The following CDIP1 variants were observed in gnomAD, a reference collection of about 807,000 sequenced individuals.
CDIP1 encodes cell death-inducing p53-target protein 1.
A neutral mutation model predicts 17.7 loss-of-function variants in CDIP1; 9 were observed. The observed-to-expected ratio is 0.51, with a 90% CI of 0.31 to 0.89. The LOEUF (loss-of-function observed/expected upper bound fraction) is 0.89. Among genes scored for constraint, CDIP1 ranks in the 40% least tolerant of loss-of-function variants. CDIP1 has a pLI of 0.05. For synonymous variants in CDIP1, 117 were observed against 109.5 expected (o/e 1.07, Z -0.43); for missense variants, 263 against 277.9 (o/e 0.95, Z 0.38).
Position 4,513,459 on chromosome 16 carries a change from G to T in CDIP1, c.241+237C>A, listed in dbSNP as rs965500110. Among the ~76,000 whole-genome samples, 1 of 152,056 alleles carries T rather than the reference G, an allele frequency of 6.6e-6. No homozygotes were observed. The highest frequency in any genetic ancestry group is 6.5e-5 in the Admixed American group (1 of 15,274). ...ACACAAGGCGCCCCTCCCCACCCAT[G>T]TCAGGTCCTGGTGTGCCAAGGACCA... On this transcript the variant is annotated intron_variant, in intron 4 of 5. Coordinates refer to ENST00000567695, the MANE Select transcript of CDIP1 (RefSeq NM_013399.3). This position sits in a 1 kb window ranked among gnomAD's most constrained non-coding sequence, Gnocchi z 4.1.
chr16:4,527,602 A>G (rs974720350), intron 1 of CDIP1, among the ~76,000 whole-genome samples: 1 of 152,196 alleles, frequency 6.6e-6, no homozygotes, highest in Non-Finnish European at 1.5e-5. Context: ...GGATCAGTAC[A>G]ACTTTCCTGG....
chr16:4,512,382 T>G lies in CDIP1; in HGVS notation c.*190A>C. 1.6e-6 allele frequency: 1 copy of G among 610,632 alleles called. No individual in the cohort carries two copies. The highest frequency in any genetic ancestry group is 3.0e-6 in the Non-Finnish European group (1 of 337,648). The allele number at this position is 610,632 out of a possible 1,614,324, so 37.8% of individuals were successfully genotyped here. A position where few individuals can be genotyped will look rare whatever the true frequency, so the allele number is the denominator to read the frequency against. On this transcript the variant is annotated 3_prime_UTR_variant, in exon 6 of 6. Coordinates refer to ENST00000567695, the MANE Select transcript of CDIP1 (RefSeq NM_013399.3). The surrounding 1 kb of genome is among the most constrained non-coding windows in gnomAD (Gnocchi z 4.6). ...CCTGCCACCCACTGACCCTTGGCCT[T>G]AAATCCCAACAGAATTTTTGCCAGA... is the stretch of plus-strand genomic sequence containing the variant.
At chr16:4,535,973 C>A (rs899601018) in intron 1 of CDIP1, among the ~76,000 whole-genome samples, 1 of 152,188 alleles carries the variant, frequency 6.6e-6, no homozygotes, top group Non-Finnish European at 1.5e-5. Flanking sequence ...TTCCAAGTCC[C>A]CTCGTGGGGG....
chr16:4,520,745 T>C (rs1441784940), intron 1 of CDIP1, among the ~76,000 whole-genome samples: 3 of 152,204 alleles, frequency 2.0e-5, no homozygotes, highest in Non-Finnish European at 2.9e-5. Flanking sequence ...CTAACAAATA[T>C]AGAAACAGCA....
chr16:4,516,212 T>C (rs2058886026), intron 1 of CDIP1, among the ~76,000 whole-genome samples: 2 of 152,088 alleles, frequency 1.3e-5, no homozygotes, highest in African/African-American at 2.4e-5. Flanking sequence ...ATGTCCCCAA[T>C]AGGCAAACCC....
intron 1 of CDIP1, among the ~76,000 whole-genome samples, chr16:4,519,676 C>T (rs2058924500): frequency 6.6e-6 from 1 of 152,154 alleles, no homozygotes; most frequent in African/African-American, 2.4e-5. Context: ...GAGGTGGATT[C>T]CTCATGAATA....
Position 4,513,599 on chromosome 16 carries a change from C to T in CDIP1, c.241+97G>A. On this transcript the variant is annotated intron_variant, in intron 4 of 5. Coordinates refer to ENST00000567695, the MANE Select transcript of CDIP1 (RefSeq NM_013399.3). This position sits in a 1 kb window ranked among gnomAD's most constrained non-coding sequence, Gnocchi z 4.1. ...TGGTTGGGCGTGTTGGAGTCCCTGC[C>T]CTACAGCAGATGCCCACCTGTACTG... is the stretch of plus-strand genomic sequence containing the variant. 1.8e-6 allele frequency: 2 copies of T among 1,089,638 alleles called. No homozygotes were observed. Among genetic ancestry groups the T allele is most frequent in the South Asian group, 1.4e-5 (1 of 69,822 alleles). 67.5% of individuals were successfully genotyped at this position (1,089,638 alleles called of 1,614,324 possible). A position where few individuals can be genotyped will look rare whatever the true frequency, so the allele number is the denominator to read the frequency against.
rs745496597 is a variant in CDIP1, at chr16:4,512,776, G to A, written c.515+15C>T. Reference sequence around the variant, plus strand: ...CTGGTGCAGCCCCCACCCTACCAGTGCCCACACCACCTACCCCATGAAGCA... The same window carrying A: ...CTGGTGCAGCCCCCACCCTACCAGTACCCACACCACCTACCCCATGAAGCA... On this transcript the variant is annotated intron_variant, in intron 5 of 5. Coordinates refer to ENST00000567695, the MANE Select transcript of CDIP1 (RefSeq NM_013399.3). This position sits in a 1 kb window ranked among gnomAD's most constrained non-coding sequence, Gnocchi z 4.6. 54 of 1,591,594 alleles carry A rather than the reference G, an allele frequency of 3.4e-5. No homozygotes were observed. Among genetic ancestry groups the A allele is most frequent in the Admixed American group, 5.4e-5 (3 of 55,498 alleles).
At position 4,512,402 on chromosome 16, in the gene CDIP1, G is replaced by T. The variant is rs974920604; in HGVS notation, c.*170C>A. On this transcript the variant is annotated 3_prime_UTR_variant, in exon 6 of 6. Coordinates refer to ENST00000567695, the MANE Select transcript of CDIP1 (RefSeq NM_013399.3). The surrounding 1 kb of genome is among the most constrained non-coding windows in gnomAD (Gnocchi z 4.6). ...GGCCTTAAATCCCAACAGAATTTTTGCCAGAAGAGTCAGCGGCTCAGGTAG... is the reference window on the plus strand; with the variant it reads ...GGCCTTAAATCCCAACAGAATTTTTTCCAGAAGAGTCAGCGGCTCAGGTAG... 1.6e-6 allele frequency: 1 copy of T among 614,750 alleles called. No individual in the cohort carries two copies. Among genetic ancestry groups the T allele is most frequent in the Admixed American group, 2.7e-5 (1 of 36,806 alleles). 38.1% of individuals were successfully genotyped at this position (614,750 alleles called of 1,614,324 possible). A position where few individuals can be genotyped will look rare whatever the true frequency, so the allele number is the denominator to read the frequency against.
chr16:4,521,864 T>C (rs1280172898), intron 1 of CDIP1, among the ~76,000 whole-genome samples: 1 of 151,808 alleles, frequency 6.6e-6, no homozygotes, highest in East Asian at 1.9e-4. Context: ...GGGAGTGAGG[T>C]TGAAGAGAGA....
At chr16:4,521,748 C>T (rs1445494860) in intron 1 of CDIP1, among the ~76,000 whole-genome samples, 1 of 149,578 alleles carries the variant, frequency 6.7e-6, no homozygotes, top group Non-Finnish European at 1.5e-5. Flanking sequence ...TCTGCATCAG[C>T]TTAATTCAAA....
chr16:4,518,685 C>T (rs1317184462), intron 1 of CDIP1, among the ~76,000 whole-genome samples: 4 of 152,250 alleles, frequency 2.6e-5, no homozygotes, highest in African/African-American at 4.8e-5. Flanking sequence ...CACCCATTCT[C>T]CCAGTGCCTT....
At chr16:4,535,130 T>G (rs1384494532) in intron 1 of CDIP1, among the ~76,000 whole-genome samples, 1 of 152,138 alleles carries the variant, frequency 6.6e-6, no homozygotes, top group Non-Finnish European at 1.5e-5. Context: ...TCTACCTACT[T>G]CCACCTTTCT....
chr16:4,521,158 G>A (rs942075638), intron 1 of CDIP1, among the ~76,000 whole-genome samples: 1 of 152,164 alleles, frequency 6.6e-6, no homozygotes, highest in African/African-American at 2.4e-5. Flanking sequence ...CCAGCACAGT[G>A]TGGTGCCAGT....
intron 1 of CDIP1, among the ~76,000 whole-genome samples, chr16:4,521,118 T>C (rs917130673): frequency 6.6e-6 from 1 of 152,074 alleles, no homozygotes; most frequent in African/African-American, 2.4e-5. Flanking sequence ...GTACTGTGTG[T>C]GTGGTGGTGA....
chr16:4,534,000 G>A (rs181596447), intron 1 of CDIP1, among the ~76,000 whole-genome samples: 293 of 152,170 alleles, frequency 1.9e-3, no homozygotes, highest in African/African-American at 6.5e-3. Context: ...ACCCAGGCTG[G>A]AGTCCATTGG....
chr16:4,518,554 C>G (rs1455622558), intron 1 of CDIP1, among the ~76,000 whole-genome samples: 1 of 152,214 alleles, frequency 6.6e-6, no homozygotes, highest in African/African-American at 2.4e-5. Flanking sequence ...CCCCTCACCC[C>G]TCCATATCCA....
chr16:4,519,556 C>T (rs2058923270), intron 1 of CDIP1, among the ~76,000 whole-genome samples: 1 of 152,236 alleles, frequency 6.6e-6, no homozygotes, highest in Non-Finnish European at 1.5e-5. Context: ...TGGGATGACA[C>T]AGCAAGAAGG....
intron 1 of CDIP1, among the ~76,000 whole-genome samples, chr16:4,517,339 G>A (rs1214373580): frequency 6.6e-6 from 1 of 152,190 alleles, no homozygotes; most frequent in African/African-American, 2.4e-5. Context: ...CAGAAGACAT[G>A]GAGGCCTAGA....
Sources: gnomAD v4.1 joint callset for allele counts (sites outside exome capture counted in the v4.1 genomes callset) on GRCh38, gnomAD v4.1.1 for gene constraint, Gnocchi (gnomAD v3.1) non-coding constraint, MANE v1.5 for transcripts, NCBI Gene and HGNC (gene_info 2026-07-23, HGNC 2026-07-21) for gene names.